The following PRUNE2 variants were observed in gnomAD, a reference collection of about 807,000 sequenced individuals.
PRUNE2 encodes protein prune homolog 2.
In PRUNE2, 164 loss-of-function variants were observed where a neutral mutation model predicts 252.0. That is an observed-to-expected ratio of 0.65 (90% confidence interval 0.57 to 0.74). PRUNE2 has a LOEUF of 0.74. PRUNE2 is among the 30% of genes least tolerant of loss of function. The pLI, the probability that PRUNE2 is intolerant of heterozygous loss-of-function variation, is 0.00. For synonymous variants in PRUNE2, 1,292 were observed against 1,350.2 expected (o/e 0.96, Z 0.94); for missense variants, 3,495 against 3,711.0 (o/e 0.94, Z 1.51).
chr9:76,636,416 C>T (rs539185773), intron 15 of PRUNE2, 55 bp downstream of exon 15: 2 of 897,262 alleles, frequency 2.2e-6, no homozygotes, highest in Admixed American at 4.5e-5. Flanking sequence ...ACAATGAGTA[C>T]ATATTTTTTA....
At chr9:76,881,869 C>T (rs1200359232) in intron 1 of PRUNE2, among the ~76,000 whole-genome samples, 3 of 152,096 alleles carry the variant, frequency 2.0e-5, no homozygotes, top group Admixed American at 6.5e-5. Context: ...GATCTGCCCG[C>T]CTCGGCCTCC....
At chr9:76,880,294 A>T (rs1331780959) in intron 1 of PRUNE2, among the ~76,000 whole-genome samples, 2 of 152,164 alleles carry the variant, frequency 1.3e-5, no homozygotes, top group Non-Finnish European at 2.9e-5. Context: ...GAGGAATCAA[A>T]GTCCTTCATT....
In PRUNE2 at chr9:76,709,774, A is replaced by C. The variant is rs2046578274; in HGVS notation, c.2500T>G (p.Trp834Gly). 1 of 1,613,698 alleles carries C rather than the reference A, an allele frequency of 6.2e-7. No homozygotes were observed. The highest frequency in any genetic ancestry group is 1.3e-5 in the African/African-American group (1 of 74,858). The change falls in exon 8 of 19, where the codon TGG (tryptophan) becomes GGG (glycine). Residue 834 changes from tryptophan to glycine, a missense_variant. Transcript: ENST00000376718. ...GCAAACCCACTTTTTGCCATGGCCC[A>C]CTCATTCGGGTCCCTAACAGAAGGT... ...KTPSVRDPNE[W>G]AMAKSGFAFS...
Position 76,703,656 on chromosome 9 carries a change from G to T in PRUNE2, c.7957C>A (p.Pro2653Thr). The T allele has an allele frequency of 1.2e-6, 2 of 1,612,416 alleles. No homozygotes were observed. The highest frequency in any genetic ancestry group is 1.7e-6 in the Non-Finnish European group (2 of 1,179,842). ...TCCACAGTCTTGCCAGACCACCCAG[G>T]CCCTGAGTCCCTGGCATCCAGTGAT... Reference protein sequence around the residue: ...DPSLDARDSGPGWSGKTVEPF... With the variant: ...DPSLDARDSGTGWSGKTVEPF... Residue 2653 changes from proline (P) to threonine (T), a missense_variant, in exon 9 of 19, where the codon CCT becomes ACT. Pro to Thr is a conservative substitution (Grantham distance 38). Coordinates refer to ENST00000376718, the MANE Select transcript of PRUNE2 (RefSeq NM_015225.3).
At chr9:76,895,745 G>A (rs771803814) in intron 1 of PRUNE2, among the ~76,000 whole-genome samples, 1 of 152,120 alleles carries the variant, frequency 6.6e-6, no homozygotes, top group Non-Finnish European at 1.5e-5. Flanking sequence ...CAAATGGAAT[G>A]ACACTTACTG....
intron 6 of PRUNE2, among the ~76,000 whole-genome samples, chr9:76,794,720 G>A (rs1478747652): frequency 1.3e-5 from 2 of 151,978 alleles, no homozygotes; most frequent in Non-Finnish European, 2.9e-5. Context: ...CCATTTAGTA[G>A]CTGTCCGACC....
chr9:76,650,203 T>G (rs536782392), intron 11 of PRUNE2, among the ~76,000 whole-genome samples: 6 of 151,370 alleles, frequency 4.0e-5, no homozygotes, highest in Admixed American at 2.6e-4. Context: ...AAATGAAAAC[T>G]ATATAATGAA....
At chr9:76,644,484 A>G in intron 12 of PRUNE2, 1 of 422,086 alleles carries the variant, frequency 2.4e-6, no homozygotes, top group Non-Finnish European at 4.1e-6. Flanking sequence ...ATAAATTTGC[A>G]CAAGATGATC....
In PRUNE2 at chr9:76,614,324, T is replaced by C. The variant is rs1379976439; in HGVS notation, c.*246A>G. On this transcript the variant is annotated 3_prime_UTR_variant, in exon 19 of 19. Coordinates refer to ENST00000376718, the MANE Select transcript of PRUNE2 (RefSeq NM_015225.3). The stretch of plus-strand genomic sequence containing the variant: ...GTTAATGAAGTATTGAAATGGAAGG[T>C]CCTACTTTCTTGCTAAGGCTCAACT... 1.8e-6 allele frequency: 1 copy of C among 558,440 alleles called. No homozygotes were observed. The highest frequency in any genetic ancestry group is 3.1e-6 in the Non-Finnish European group (1 of 317,778). The allele number at this position is 558,440 out of a possible 1,614,324, so 34.6% of individuals were successfully genotyped here.
At chr9:76,751,168 C>T (rs775262165) in intron 6 of PRUNE2, among the ~76,000 whole-genome samples, 5 of 152,144 alleles carry the variant, frequency 3.3e-5, no homozygotes, top group Non-Finnish European at 7.3e-5. Context: ...CTCTGCTAAG[C>T]AGTCTGGATG....
At chr9:76,803,190 T>C (rs1014004364) in intron 6 of PRUNE2, among the ~76,000 whole-genome samples, 1 of 152,226 alleles carries the variant, frequency 6.6e-6, no homozygotes. Context: ...AATGTTGTGA[T>C]ATCATGGTCT....
rs1289367289 is a variant in PRUNE2, at chr9:76,654,052, A to G, written c.8357-1369T>C. Among the ~76,000 whole-genome samples, 3 of 152,180 alleles carry G rather than the reference A, an allele frequency of 2.0e-5. No individual in the cohort carries two copies. In the East Asian group the frequency reaches 5.8e-4, roughly 29 times the overall value. On this transcript the variant is annotated intron_variant, in intron 10 of 18. Transcript: ENST00000376718. ...AAACCCTTGTCATTTCCTAAGGTGG[A>G]TAGTGTCAGAATTGAATTATAGGAC... is the stretch of plus-strand genomic sequence containing the variant.
intron 1 of PRUNE2, among the ~76,000 whole-genome samples, chr9:76,877,224 A>G (rs1383288975): frequency 1.3e-5 from 2 of 151,830 alleles, no homozygotes; most frequent in Admixed American, 1.3e-4. Context: ...AAAAATTCAG[A>G]CCTGGCGCGG....
intron 6 of PRUNE2, among the ~76,000 whole-genome samples, chr9:76,727,514 G>A (rs1196935458): frequency 2.0e-5 from 3 of 151,870 alleles, no homozygotes; most frequent in South Asian, 2.1e-4. Context: ...ACCAAGCTTC[G>A]ATTCTCTTAA....
intron 6 of PRUNE2, among the ~76,000 whole-genome samples, chr9:76,813,824 T>C (rs1390656945): frequency 3.9e-5 from 6 of 152,160 alleles, no homozygotes; most frequent in Admixed American, 3.9e-4. Flanking sequence ...ATATCCTTTA[T>C]GTATTTATAT....
chr9:76,729,151 A>AT (rs1564166803), intron 6 of PRUNE2, among the ~76,000 whole-genome samples: 54 of 152,338 alleles, frequency 3.5e-4, no homozygotes, highest in Admixed American at 3.9e-4. Context: ...AAAGTGTGGG[A>AT]CAAATGAACC....
At chr9:76,764,944 A>G (rs563665428) in intron 6 of PRUNE2, among the ~76,000 whole-genome samples, 3 of 152,218 alleles carry the variant, frequency 2.0e-5, no homozygotes, top group Non-Finnish European at 4.4e-5. Flanking sequence ...GTTGCTGACT[A>G]ACTATACTGA....
In PRUNE2 at chr9:76,707,370, G is replaced by C. The variant is rs1463901809; in HGVS notation, c.4904C>G (p.Ser1635Cys). 6 of 1,613,836 alleles carry C rather than the reference G, an allele frequency of 3.7e-6. No homozygotes were observed. Among genetic ancestry groups the C allele is most frequent in the Non-Finnish European group, 4.2e-6 (5 of 1,179,874 alleles). Residue 1635 changes from serine to cysteine, a missense_variant, in exon 8 of 19, where the codon TCC (serine) becomes TGC (cysteine). Transcript: ENST00000376718. Reference protein sequence around the residue: ...WNDSVDGDSFSSLSSPETGKY... With the variant: ...WNDSVDGDSFCSLSSPETGKY... ...GCCTGTTTCAGGACTGGATAAAGAGGAAAAGGAATCACCATCAACTGAGTC... is the reference window on the plus strand; with the variant it reads ...GCCTGTTTCAGGACTGGATAAAGAGCAAAAGGAATCACCATCAACTGAGTC...
intron 6 of PRUNE2, among the ~76,000 whole-genome samples, chr9:76,791,853 C>T (rs1221535356): frequency 1.3e-5 from 2 of 152,156 alleles, no homozygotes; most frequent in East Asian, 1.9e-4. Flanking sequence ...GGAAAGAATC[C>T]GAAAGGAAAG....
Sources: allele counts gnomAD v4.1 joint callset (sites outside exome capture counted in the v4.1 genomes callset), GRCh38; gene constraint gnomAD v4.1.1; transcripts MANE v1.5; gene names NCBI Gene and HGNC (gene_info 2026-07-23, HGNC 2026-07-21).